SGCZ: variants seen among roughly 807,000 people sequenced by gnomAD.
SGCZ encodes the protein sarcoglycan zeta.
In SGCZ, 40 loss-of-function variants were observed where a neutral mutation model predicts 41.3. The observed-to-expected ratio is 0.97, with a 90% confidence interval of 0.75 to 1.26. The LOEUF (loss-of-function observed/expected upper bound fraction) is 1.26, where lower values mean the gene tolerates loss of function less well. Among genes scored for constraint, SGCZ ranks in the 50% most tolerant of loss-of-function variants. The pLI, the probability that SGCZ is intolerant of heterozygous loss-of-function variation, is 0.00. For missense variants in SGCZ, 552 were observed against 369.8 expected (o/e 1.49, Z -4.04); for synonymous variants, 206 against 137.5 (o/e 1.50, Z -3.49).
chr8:14,857,834 C>A (rs1223973136), intron 1 of SGCZ, among the ~76,000 whole-genome samples: 1 of 152,038 alleles, frequency 6.6e-6, no homozygotes. Context: ...CCAGTGCACT[C>A]CAGCCTGGGT....
chr8:14,524,542 G>C (rs1563385390), intron 2 of SGCZ, among the ~76,000 whole-genome samples: 1 of 152,064 alleles, frequency 6.6e-6, no homozygotes, highest in Non-Finnish European at 1.5e-5. Context: ...GGTACGAAGA[G>C]CTCAATTACA....
At chr8:14,705,785 G>A (rs186484136) in intron 1 of SGCZ, among the ~76,000 whole-genome samples, 125 of 151,990 alleles carry the variant, frequency 8.2e-4, no homozygotes, top group South Asian at 1.7e-3. Context: ...TAATTAATTC[G>A]GCATAAGGCC....
At chr8:14,496,896 T>C (rs559529498) in intron 2 of SGCZ, among the ~76,000 whole-genome samples, 17 of 152,340 alleles carry the variant, frequency 1.1e-4, no homozygotes, top group African/African-American at 4.1e-4. Context: ...TCTAATTTTT[T>C]TCACAGAGCA....
intron 1 of SGCZ, among the ~76,000 whole-genome samples, chr8:15,125,920 T>A (rs879812535): frequency 1.3e-5 from 2 of 152,188 alleles, no homozygotes; most frequent in African/African-American, 2.4e-5. Context: ...CCAAGGCAAG[T>A]GGATCACCTG....
chr8:15,071,558 C>A (rs1805351015), intron 1 of SGCZ, among the ~76,000 whole-genome samples: 2 of 152,284 alleles, frequency 1.3e-5, no homozygotes, highest in South Asian at 2.1e-4. Context: ...TATTCTTTAC[C>A]CTAGTCTGAA....
chr8:14,791,623 G>A (rs1413476921), intron 1 of SGCZ, among the ~76,000 whole-genome samples: 4 of 152,166 alleles, frequency 2.6e-5, no homozygotes, highest in South Asian at 2.1e-4. Context: ...ATAACCAAGC[G>A]TACAGCTCAA....
At chr8:14,168,216 A>G (rs1804266523) in intron 4 of SGCZ, among the ~76,000 whole-genome samples, 1 of 152,212 alleles carries the variant, frequency 6.6e-6, no homozygotes, top group Admixed American at 6.5e-5. Flanking sequence ...ATTACCAACT[A>G]AATTCTATAT....
At chr8:14,726,248 G>A (rs1334545696) in intron 1 of SGCZ, among the ~76,000 whole-genome samples, 2 of 136,466 alleles carry the variant, frequency 1.5e-5, no homozygotes, top group African/African-American at 5.2e-5. Flanking sequence ...GGGCAAAAGA[G>A]TGAGACTCTG....
chr8:14,968,315 T>C (rs1801184040), intron 1 of SGCZ, among the ~76,000 whole-genome samples: 1 of 152,126 alleles, frequency 6.6e-6, no homozygotes, highest in African/African-American at 2.4e-5. Flanking sequence ...ACAGACCCTC[T>C]GGGAACATCT....
At chr8:14,569,195 T>G (rs184561139) in intron 1 of SGCZ, among the ~76,000 whole-genome samples, 3 of 152,324 alleles carry the variant, frequency 2.0e-5, no homozygotes, top group Admixed American at 2.0e-4. Flanking sequence ...ATTTAGTCAT[T>G]ATGGTTTCAC....
intron 1 of SGCZ, among the ~76,000 whole-genome samples, chr8:14,902,922 G>A (rs1799013101): frequency 6.6e-6 from 1 of 152,068 alleles, no homozygotes; most frequent in Admixed American, 6.6e-5. Flanking sequence ...CAGAAGGAAT[G>A]TTAGAAAAAC....
At position 14,146,158 on chromosome 8, in the gene SGCZ, T is replaced by C. The variant is rs183258289; in HGVS notation, c.547+18422A>G. Among the ~76,000 whole-genome samples the C allele has an allele frequency of 6.0e-4, 92 of 152,108 alleles. 1 individual carries two copies. The highest frequency in any genetic ancestry group is 2.1e-3 in the African/African-American group (87 of 41,488). On this transcript the variant is annotated intron_variant, in intron 5 of 7. Transcript: ENST00000382080. ...CTCTCAAGGCATTTAGTTATCAAACTCTCAAAAGTCAATGATAAAGAAAGG... is the reference window on the plus strand; with the variant it reads ...CTCTCAAGGCATTTAGTTATCAAACCCTCAAAAGTCAATGATAAAGAAAGG...
At chr8:15,119,869 G>C (rs541954783) in intron 1 of SGCZ, among the ~76,000 whole-genome samples, 2 of 152,178 alleles carry the variant, frequency 1.3e-5, no homozygotes, top group African/African-American at 2.4e-5. Flanking sequence ...GAGTGCAGTA[G>C]TGCGATCATA....
At chr8:14,147,429 C>T (rs893247265) in intron 5 of SGCZ, among the ~76,000 whole-genome samples, 1 of 151,908 alleles carries the variant, frequency 6.6e-6, no homozygotes, top group African/African-American at 2.4e-5. Flanking sequence ...TCATATCAGA[C>T]AAAATAGATT....
At chr8:14,406,351 A>G (rs117642330) in intron 2 of SGCZ, among the ~76,000 whole-genome samples, 1,682 of 151,938 alleles carry the variant, frequency 0.011, 18 homozygotes, top group Non-Finnish European at 0.019. Flanking sequence ...TTTTCTCTCC[A>G]TCTCACAGAT....
intron 5 of SGCZ, among the ~76,000 whole-genome samples, chr8:14,132,921 G>C (rs921212271): frequency 6.6e-6 from 1 of 152,012 alleles, no homozygotes; most frequent in Admixed American, 6.6e-5. Context: ...ACTGAAATTC[G>C]CTTTGTGTGC....
At chr8:14,938,885 C>A (rs536710480) in intron 1 of SGCZ, among the ~76,000 whole-genome samples, 2 of 151,990 alleles carry the variant, frequency 1.3e-5, no homozygotes, top group South Asian at 4.1e-4. Flanking sequence ...ATTTTTGTAT[C>A]CGCAGTTGGT....
chr8:14,760,860 T>G (rs945582474), intron 1 of SGCZ, among the ~76,000 whole-genome samples: 1 of 152,224 alleles, frequency 6.6e-6, no homozygotes, highest in African/African-American at 2.4e-5. Context: ...CCCTGTTTCC[T>G]TTTTCATGTG....
chr8:14,150,439 T>C (rs553849491), intron 5 of SGCZ, among the ~76,000 whole-genome samples: 47 of 152,164 alleles, frequency 3.1e-4, no homozygotes, highest in Non-Finnish European at 5.7e-4. Flanking sequence ...CAACATGGAT[T>C]ATGAGAAAAG....
Sources: gnomAD v4.1 joint callset for allele counts (sites outside exome capture counted in the v4.1 genomes callset) on GRCh38, gnomAD v4.1.1 for gene constraint, MANE v1.5 for transcripts, NCBI Gene and HGNC (gene_info 2026-07-23, HGNC 2026-07-21) for gene names.